The following SLC27A4 variants were observed in gnomAD, a reference collection of about 807,000 sequenced individuals.
The protein encoded by SLC27A4 is long-chain fatty acid transport protein 4.
In SLC27A4, 33 loss-of-function variants were observed where a neutral mutation model predicts 64.4. The ratio of observed to expected loss-of-function variants is 0.51; its 90% CI spans 0.39 to 0.68. SLC27A4 has a LOEUF of 0.68. Among genes scored for constraint, SLC27A4 ranks in the 30% least tolerant of loss-of-function variants. The pLI is 0.00. For synonymous variants in SLC27A4, 377 were observed against 370.0 expected, an observed-to-expected ratio of 1.02 and a Z score of -0.22; for missense variants, 824 against 883.5, an observed-to-expected ratio of 0.93 and a Z score of 0.85.
chr9:128,353,077 G>A lies in SLC27A4; in HGVS notation c.1040G>A (p.Arg347Gln), dbSNP rs749677544. The stretch of plus-strand genomic sequence containing the variant: ...CGCTACCTCCTGAACCAGCCACCGC[G>A]GGAGGCAGAAAACCAGCACCAGGTT... ...LCRYLLNQPP[R>Q]EAENQHQVRM... Residue 347 changes from arginine (R) to glutamine (Q), a missense_variant, in exon 8 of 13, where the codon CGG (arginine) becomes CAG (glutamine). Arg to Gln is a conservative substitution (Grantham distance 43, BLOSUM62 1). Transcript: ENST00000300456. This position sits in a 1 kb window ranked among gnomAD's most constrained non-coding sequence, Gnocchi z 4.9. 1.2e-5 allele frequency: 19 copies of A among 1,613,968 alleles called. No homozygotes were observed. The highest frequency in any genetic ancestry group is 8.3e-5 in the Admixed American group (5 of 59,988).
At chr9:128,340,862 G>A in intron 1 of SLC27A4, 24 bp downstream of exon 1, 1 of 636,238 alleles carries the variant, frequency 1.6e-6, no homozygotes, top group Non-Finnish European at 2.9e-6. Flanking sequence ...GGGCTGGTGG[G>A]TTCCCGGGTG....
chr9:128,343,975 C>T (rs1832616337), intron 2 of SLC27A4, among the ~76,000 whole-genome samples: 1 of 152,178 alleles, frequency 6.6e-6, no homozygotes, highest in Non-Finnish European at 1.5e-5. Flanking sequence ...GCACCCAGTT[C>T]AGTGACCCAC....
At chr9:128,348,849 G>T in intron 4 of SLC27A4, 146 bp downstream of exon 4, 1 of 843,736 alleles carries the variant, frequency 1.2e-6, no homozygotes, top group Admixed American at 2.2e-5. Context: ...CTGGAAAATG[G>T]TGACAGTAAA....
Position 128,343,202 on chromosome 9 carries a change from C to T in SLC27A4, c.70C>T (p.Gln24Ter), listed in dbSNP as rs1254545362. The change falls in exon 2 of 13, where the codon CAG (glutamine) becomes TAG (stop). Residue 24 changes from glutamine to a stop codon, truncating the protein, a stop_gained. Transcript: ENST00000300456. LOFTEE classifies it high-confidence loss of function. ...GCTGGTGCTGAAACTGCCCTGGACCCAGGTGGGATTCTCCCTGTTGTTCCT... is the reference window on the plus strand; with the variant it reads ...GCTGGTGCTGAAACTGCCCTGGACCTAGGTGGGATTCTCCCTGTTGTTCCT... Reference protein sequence around the residue: ...SKLVLKLPWTQVGFSLLFLYL... With the variant: ...SKLVLKLPWT The T allele has an allele frequency of 6.2e-7, 1 of 1,614,174 alleles. No homozygotes were observed. Among genetic ancestry groups the T allele is most frequent in the South Asian group, 1.1e-5 (1 of 91,082 alleles).
intron 1 of SLC27A4, among the ~76,000 whole-genome samples, chr9:128,341,194 G>C (rs920624210): frequency 1.3e-5 from 2 of 152,208 alleles, no homozygotes; most frequent in Non-Finnish European, 2.9e-5. Context: ...TTTTCGCGAG[G>C]GGGAGGGGGA....
rs767885744 is a variant in SLC27A4 at position 128,345,242 on chromosome 9, C to T, written c.249C>T (p.Thr83=). The part of the protein sequence containing the change: ...RRTVPILFAS[T]VRRHPDKTAL... ...CAGTGCCCATTTTGTTTGCCTCTAC[C>T]GTTCGGCGCCACCCCGACAAGACGG... The change falls in exon 3 of 13, where the codon ACC becomes ACT. Residue 83 remains threonine, a synonymous_variant. Coordinates refer to ENST00000300456, the MANE Select transcript of SLC27A4 (RefSeq NM_005094.4). The surrounding 1 kb of genome is among the most constrained non-coding windows in gnomAD (Gnocchi z 4.1). 1.6e-5 allele frequency: 26 copies of T among 1,613,764 alleles called. No individual in the cohort carries two copies. Among genetic ancestry groups the T allele is most frequent in the South Asian group, 4.4e-5 (4 of 91,080 alleles).
intron 3 of SLC27A4, among the ~76,000 whole-genome samples, chr9:128,348,231 A>G (rs1293549087): frequency 6.6e-6 from 1 of 152,144 alleles, no homozygotes; most frequent in Non-Finnish European, 1.5e-5. Context: ...GGTCCAGCAC[A>G]TTCTAGCTGT....
intron 3 of SLC27A4, 89 bp from the exon 4 acceptor site, chr9:128,348,456 C>T: frequency 1.3e-6 from 2 of 1,535,630 alleles, no homozygotes; most frequent in Non-Finnish European, 1.8e-6. Flanking sequence ...CCAGTATCCT[C>T]AGCAACATGG....
intron 12 of SLC27A4, among the ~76,000 whole-genome samples, chr9:128,356,485 G>C (rs538967295): frequency 6.6e-6 from 1 of 152,248 alleles, no homozygotes; most frequent in Admixed American, 6.5e-5. Context: ...ACTGTCCCGG[G>C]GGCAGTAGGG....
At position 128,353,037 on chromosome 9, in the gene SLC27A4, A is replaced by G. The variant is rs762769153; in HGVS notation, c.1000A>G (p.Ile334Val). The change falls in exon 8 of 13, where the codon ATT becomes GTT. Residue 334 changes from isoleucine (I) to valine (V), a missense_variant. By Grantham distance (29) the Ile-to-Val change is conservative. Transcript: ENST00000300456. The surrounding 1 kb of genome is among the most constrained non-coding windows in gnomAD (Gnocchi z 4.9). ...IKYNCTIVQYIGELCRYLLNQ... is the reference protein window; with the variant it reads ...IKYNCTIVQYVGELCRYLLNQ... ...AGTTCACCCCCAGATTGTGCAGTAC[A>G]TTGGTGAACTGTGCCGCTACCTCCT... 6.2e-7 allele frequency: 1 copy of G among 1,613,648 alleles called. No homozygotes were observed. Among genetic ancestry groups the G allele is most frequent in the Non-Finnish European group, 8.5e-7 (1 of 1,179,748 alleles).
Position 128,345,086 on chromosome 9 carries a change from G to C in SLC27A4, c.162-69G>C. ...GCATAGGCTGGCGAGGCAGCAGCCT[G>C]GGGTAGGGTGTCAGGACCCCTCCCT... On this transcript the variant is annotated intron_variant, in intron 2 of 12. Transcript: ENST00000300456. This position sits in a 1 kb window ranked among gnomAD's most constrained non-coding sequence, Gnocchi z 4.1. 1 of 1,594,510 alleles carries C rather than the reference G, an allele frequency of 6.3e-7. No homozygotes were observed. The highest frequency in any genetic ancestry group is 8.6e-7 in the Non-Finnish European group (1 of 1,167,508).
At chr9:128,351,282 C>A (rs1832732605) in intron 6 of SLC27A4, among the ~76,000 whole-genome samples, 1 of 149,376 alleles carries the variant, frequency 6.7e-6, no homozygotes, top group Admixed American at 6.7e-5. Flanking sequence ...AAAAAATTAG[C>A]TGGGTCTGGT....
At chr9:128,355,618 C>T (rs773221219) in intron 11 of SLC27A4, 32 bp from the exon 12 acceptor site, 26 of 1,607,638 alleles carry the variant, frequency 1.6e-5, no homozygotes, top group Non-Finnish European at 2.1e-5. Flanking sequence ...GGGGCACCAC[C>T]AGCTACTCAG....
At chr9:128,342,008 A>T in intron 1 of SLC27A4, 1 of 470,978 alleles carries the variant, frequency 2.1e-6, no homozygotes, top group East Asian at 4.1e-5. Context: ...AAGTGCTGGG[A>T]TTACAGGTGT....
In SLC27A4 at chr9:128,353,356, C is replaced by T; in HGVS notation, c.1198-59C>T. 6.2e-7 allele frequency: 1 copy of T among 1,613,842 alleles called. No individual in the cohort carries two copies. Among genetic ancestry groups the T allele is most frequent in the Non-Finnish European group, 8.5e-7 (1 of 1,179,844 alleles). On this transcript the variant is annotated intron_variant, in intron 8 of 12. Coordinates refer to ENST00000300456, the MANE Select transcript of SLC27A4 (RefSeq NM_005094.4). The surrounding 1 kb of genome is among the most constrained non-coding windows in gnomAD (Gnocchi z 4.9). ...GGGTGCTGGAGTCCCACTTCCCCCT[C>T]ATTGTCCAGTTTTGGGCCCATGGTG...
Position 128,360,526 on chromosome 9 carries a change from G to C in SLC27A4, c.*35G>C, listed in dbSNP as rs755051651. The C allele has an allele frequency of 1.2e-6, 2 of 1,611,536 alleles. No individual in the cohort carries two copies. Among genetic ancestry groups the C allele is most frequent in the Admixed American group, 3.3e-5 (2 of 59,966 alleles). ...TCCCTCTGAGGGCCGGCGGATGCTGGATCCGGAGCCCCAGGTTCCGCCCCA... is the reference window on the plus strand; with the variant it reads ...TCCCTCTGAGGGCCGGCGGATGCTGCATCCGGAGCCCCAGGTTCCGCCCCA... On this transcript the variant is annotated 3_prime_UTR_variant, in exon 13 of 13. Coordinates refer to ENST00000300456, the MANE Select transcript of SLC27A4 (RefSeq NM_005094.4).
At chr9:128,357,566 G>T (rs1832838842) in intron 12 of SLC27A4, among the ~76,000 whole-genome samples, 1 of 152,376 alleles carries the variant, frequency 6.6e-6, no homozygotes, top group East Asian at 1.9e-4. Context: ...CGAGGGAGGG[G>T]CTGTTGCAGT....
At chr9:128,350,974 G>T (rs7852514) in intron 6 of SLC27A4, among the ~76,000 whole-genome samples, 39,642 of 151,870 alleles carry the variant, frequency 0.26, 9,138 homozygotes, top group African/African-American at 0.63. Flanking sequence ...ATGCCTGTAG[G>T]CCCAGCTACT....
At chr9:128,352,463 T>C (rs1312153792) in intron 6 of SLC27A4, among the ~76,000 whole-genome samples, 175 bp from the exon 7 acceptor site, 1 of 152,024 alleles carries the variant, frequency 6.6e-6, no homozygotes, top group East Asian at 1.9e-4. Context: ...GGGAAGAGCC[T>C]GGTGATGGAA....
Sources: gnomAD v4.1 joint callset for allele counts (sites outside exome capture counted in the v4.1 genomes callset) on GRCh38, gnomAD v4.1.1 for gene constraint, Gnocchi (gnomAD v3.1) non-coding constraint, MANE v1.5 for transcripts, NCBI Gene and HGNC (gene_info 2026-07-23, HGNC 2026-07-21) for gene names.